FGFR2: variants seen among roughly 807,000 people sequenced by gnomAD.
FGFR2 encodes the protein fibroblast growth factor receptor 2.
FGFR2 carries 19 observed loss-of-function variants against 95.9 expected under a neutral mutation model. The observed-to-expected ratio is 0.20, with a 90% CI of 0.14 to 0.29. The LOEUF is 0.29. Ranked by LOEUF, FGFR2 falls within the 10% of genes least tolerant of loss-of-function variation. The probability of loss-of-function intolerance (pLI) is 1.00; values close to 1 mark genes in which losing one functional copy is unlikely to be tolerated. For synonymous variants in FGFR2, 392 were observed against 393.3 expected (o/e 1.00, Z 0.04); for missense variants, 707 against 1,056.9 (o/e 0.67, Z 4.59).
At chr10:121,556,404 T>TCTCTCC (rs1856150569) in intron 4 of FGFR2, among the ~76,000 whole-genome samples, 1 of 148,298 alleles carries the variant, frequency 6.7e-6, no homozygotes, top group African/African-American at 2.6e-5. Flanking sequence ...CTACTCTCTC[T>TCTCTCC]CTCTCTCTCT....
At chr10:121,543,442 A>G (rs192654717) in intron 5 of FGFR2, among the ~76,000 whole-genome samples, 1 of 152,274 alleles carries the variant, frequency 6.6e-6, no homozygotes, top group East Asian at 1.9e-4. Context: ...CCCGGGAGAC[A>G]GAGACTGCAG....
chr10:121,576,596 T>C (rs1859807771), intron 2 of FGFR2, among the ~76,000 whole-genome samples: 1 of 152,168 alleles, frequency 6.6e-6, no homozygotes, highest in Admixed American at 6.5e-5. Flanking sequence ...TGTCACTCTG[T>C]AAAATGAATG....
chr10:121,524,834 C>A (rs1190184106), intron 6 of FGFR2, among the ~76,000 whole-genome samples: 3 of 152,182 alleles, frequency 2.0e-5, no homozygotes, highest in Non-Finnish European at 4.4e-5. Flanking sequence ...CCACCAGGAA[C>A]CTCCCCGGTC....
intron 13 of FGFR2, among the ~76,000 whole-genome samples, chr10:121,492,624 G>A (rs183953462): frequency 2.1e-3 from 319 of 152,334 alleles, no homozygotes; most frequent in Non-Finnish European, 3.7e-3. Flanking sequence ...AGCCAGGGCC[G>A]GACCCTTTGC....
chr10:121,596,035 G>T (rs1196712455), intron 1 of FGFR2, among the ~76,000 whole-genome samples: 2 of 152,246 alleles, frequency 1.3e-5, no homozygotes, highest in Non-Finnish European at 1.5e-5. Flanking sequence ...CCCCAGGCTC[G>T]GTGTTGGGAA....
intron 5 of FGFR2, among the ~76,000 whole-genome samples, chr10:121,546,217 T>C (rs1854496200): frequency 6.7e-6 from 1 of 149,566 alleles, no homozygotes; most frequent in South Asian, 2.1e-4. Context: ...GTGCTGTTGT[T>C]TAAGAAGAGA....
rs1256447022 is a variant in FGFR2 at position 121,575,277 on chromosome 10, T to G, written c.110-9573A>C. 2.0e-5 allele frequency among the ~76,000 whole-genome samples: 3 copies of G among 151,966 alleles called. No individual in the cohort carries two copies. In the East Asian group the frequency reaches 5.8e-4, roughly 29 times the overall value. On this transcript the variant is annotated intron_variant, in intron 2 of 17. Coordinates refer to ENST00000358487, the MANE Select transcript of FGFR2 (RefSeq NM_000141.5). ...GCCTAAGAATGCACTTACTGAGGAG[T>G]GAGTCACCGTGTCTCCCAATGTCCC...
chr10:121,534,334 T>C (rs1852518185), intron 6 of FGFR2, among the ~76,000 whole-genome samples: 1 of 151,792 alleles, frequency 6.6e-6, no homozygotes, highest in Non-Finnish European at 1.5e-5. Context: ...CCTGACCTCA[T>C]GATCTGCCTG....
intron 7 of FGFR2, among the ~76,000 whole-genome samples, chr10:121,519,149 C>G (rs553007030): frequency 1.3e-5 from 2 of 152,238 alleles, no homozygotes; most frequent in East Asian, 3.9e-4. Context: ...AAGTTCTTAG[C>G]TGGGTCACCT....
chr10:121,483,902 A>G, intron 16 of FGFR2, 99 bp from the exon 17 acceptor site: 1 of 856,332 alleles, frequency 1.2e-6, no homozygotes, highest in Non-Finnish European at 1.9e-6. Flanking sequence ...GTAAATTAGG[A>G]AAATGCATCA....
chr10:121,587,227 C>T (rs1861963431), intron 2 of FGFR2, among the ~76,000 whole-genome samples: 2 of 152,120 alleles, frequency 1.3e-5, no homozygotes, highest in East Asian at 1.9e-4. Flanking sequence ...AAGCTGACCC[C>T]TTCCTTATAC....
In FGFR2 at chr10:121,515,291, A is replaced by G. The variant is rs2134230290; in HGVS notation, c.1113T>C (p.Ala371=). 6.2e-7 allele frequency: 1 copy of G among 1,614,158 alleles called. No homozygotes were observed. The highest frequency in any genetic ancestry group is 8.5e-7 in the Non-Finnish European group (1 of 1,180,026). ...TGGCTATCTCCAGGTAGTCTGGGGA[A>G]GCTGTAATCTCCTTTTCTCTTCCAG... ...PAPGREKEIT[A]SPDYLEIAIY... Residue 371 remains alanine (A), a synonymous_variant, in exon 9 of 18, where the codon GCT becomes GCC. Transcript: ENST00000358487.
Position 121,528,391 on chromosome 10 carries a change from A to G in FGFR2, c.749-8222T>C, listed in dbSNP as rs543779889. Among the ~76,000 whole-genome samples the G allele has an allele frequency of 3.4e-4, 52 of 152,138 alleles. 1 individual carries two copies. The South Asian group carries it at 9.7e-3, about 29-fold the overall frequency. On this transcript the variant is annotated intron_variant, in intron 6 of 17. Transcript: ENST00000358487. The stretch of plus-strand genomic sequence containing the variant: ...CGAATTGTACTACATCCGTGAAAGA[A>G]GAGCATATTGGCCACTAGTAAGAAT...
At chr10:121,562,879 G>A (rs746955702) in intron 4 of FGFR2, among the ~76,000 whole-genome samples, 15 of 152,196 alleles carry the variant, frequency 9.9e-5, no homozygotes, top group Non-Finnish European at 1.8e-4. Flanking sequence ...GCATGTGTTG[G>A]GGAAGATTAT....
Position 121,478,600 on chromosome 10 carries a change from G to A in FGFR2, c.*1257C>T, listed in dbSNP as rs1432721413. On this transcript the variant is annotated 3_prime_UTR_variant, in exon 18 of 18. Transcript: ENST00000358487. ...GTATGAGGCTGGATCTTTTGGTGAG[G>A]TCCTGCCAGAATTAGATGAAAGCAA... is the stretch of plus-strand genomic sequence containing the variant. 1.3e-5 allele frequency: 3 copies of A among 233,136 alleles called. No homozygotes were observed. The highest frequency in any genetic ancestry group is 2.5e-5 in the Non-Finnish European group (3 of 118,018). The allele number at this position is 233,136 out of a possible 1,614,324, so 14.4% of individuals were successfully genotyped here. A position where few individuals can be genotyped will look rare whatever the true frequency, so the allele number is the denominator to read the frequency against.
At chr10:121,554,666 C>T (rs537683435) in intron 4 of FGFR2, among the ~76,000 whole-genome samples, 3 of 152,058 alleles carry the variant, frequency 2.0e-5, no homozygotes, top group Admixed American at 6.5e-5. Context: ...CTACCGCGCC[C>T]GGCTGGAACT....
At chr10:121,496,815 CTT>C (rs372610391) in intron 12 of FGFR2, 93 bp from the exon 13 acceptor site, 7,295 of 851,742 alleles carry the variant, frequency 8.6e-3, no homozygotes, top group Middle Eastern at 0.011. Context: ...ACAACCCATG[CTT>C]TTTTTTTTTT....
intron 6 of FGFR2, chr10:121,526,621 G>T (rs1418666989): frequency 5.0e-6 from 2 of 398,230 alleles, no homozygotes; most frequent in African/African-American, 2.1e-5. Context: ...CGCTATGACG[G>T]CCAGGAAGAC....
At chr10:121,496,937 C>A (rs1442498908) in intron 12 of FGFR2, among the ~76,000 whole-genome samples, 1 of 151,036 alleles carries the variant, frequency 6.6e-6, no homozygotes, top group East Asian at 1.9e-4. Context: ...TCAAGACCAG[C>A]CTGGCCAGCA....
Sources: allele counts gnomAD v4.1 joint callset (sites outside exome capture counted in the v4.1 genomes callset), GRCh38; gene constraint gnomAD v4.1.1; transcripts MANE v1.5; gene names NCBI Gene and HGNC (gene_info 2026-07-23, HGNC 2026-07-21).